The following RAD18 variants were observed in gnomAD, a reference collection of about 807,000 sequenced individuals.
RAD18 encodes the protein RAD18 E3 ubiquitin protein ligase.
A neutral mutation model predicts 60.4 loss-of-function variants in RAD18; 47 were observed. The ratio of observed to expected loss-of-function variants is 0.78; its 90% CI spans 0.62 to 0.99. The LOEUF is 0.99. Ranked by LOEUF, RAD18 falls within the 50% of genes least tolerant of loss-of-function variation. The probability of loss-of-function intolerance (pLI) is 0.00; values close to 1 mark genes in which losing one functional copy is unlikely to be tolerated. For synonymous variants in RAD18, 225 were observed against 195.5 expected (o/e 1.15, Z -1.26); for missense variants, 640 against 593.3 (o/e 1.08, Z -0.82).
At chr3:8,882,616 A>C (rs1939487592) in intron 12 of RAD18, among the ~76,000 whole-genome samples, 1 of 152,196 alleles carries the variant, frequency 6.6e-6, no homozygotes, top group South Asian at 2.1e-4. Context: ...GCTGAGGGAG[A>C]GACACAGACA....
intron 4 of RAD18, among the ~76,000 whole-genome samples, chr3:8,946,306 C>A (rs575479469): frequency 6.6e-6 from 1 of 152,260 alleles, no homozygotes; most frequent in South Asian, 2.1e-4. Context: ...AGCAATAGGC[C>A]CTGCCATATA....
At chr3:8,908,550 A>T (rs932671264) in intron 9 of RAD18, among the ~76,000 whole-genome samples, 1 of 152,118 alleles carries the variant, frequency 6.6e-6, no homozygotes, top group Non-Finnish European at 1.5e-5. Context: ...GGACACCTTG[A>T]TCTTAGACTT....
chr3:8,909,424 G>C lies in RAD18; in HGVS notation c.1027+2888C>G, dbSNP rs45487495. 2.6e-5 allele frequency among the ~76,000 whole-genome samples: 4 copies of C among 152,108 alleles called. No individual in the cohort carries two copies. The East Asian group carries it at 7.7e-4, about 29-fold the overall frequency. On this transcript the variant is annotated intron_variant, in intron 9 of 12. Transcript: ENST00000264926. ...GGCAAGAGTAGATGGGGGATGACTA[G>C]AGAGCAAAGTGATACATAAGAAGTG... is the stretch of plus-strand genomic sequence containing the variant.
In RAD18 at chr3:8,881,571, C is replaced by T. The variant is rs182227199; in HGVS notation, c.1386-112G>A. ...ATTTCATTAAAACCTCGAAATAATC[C>T]TCTATTCTGTTGATGAATTCATAAT... On this transcript the variant is annotated intron_variant, in intron 12 of 12. Transcript: ENST00000264926. 1.0e-3 allele frequency: 818 copies of T among 787,482 alleles called. 2 individuals are homozygous for T. Among genetic ancestry groups the T allele is most frequent in the South Asian group, 6.3e-3 (361 of 57,112 alleles). The allele number at this position is 787,482 out of a possible 1,614,324, so 48.8% of individuals were successfully genotyped here.
chr3:8,881,609 T>A (rs1939463920), intron 12 of RAD18, 150 bp from the exon 13 acceptor site: 1 of 622,122 alleles, frequency 1.6e-6, no homozygotes, highest in African/African-American at 1.9e-5. Flanking sequence ...TTATTATTAG[T>A]ATTTCCACTT....
intron 1 of RAD18, among the ~76,000 whole-genome samples, chr3:8,959,459 A>G (rs1941062208): frequency 6.6e-6 from 1 of 152,258 alleles, no homozygotes; most frequent in African/African-American, 2.4e-5. Flanking sequence ...GAAACTGTCT[A>G]GTCAAAAGAG....
Position 8,880,567 on chromosome 3 carries a change from T to C in RAD18, c.*790A>G, listed in dbSNP as rs1939440033. 2 of 152,244 alleles carry C rather than the reference T, an allele frequency of 1.3e-5. No individual in the cohort carries two copies. Among genetic ancestry groups the C allele is most frequent in the East Asian group, 1.9e-4 (1 of 5,198 alleles). The allele number at this position is 152,244 out of a possible 1,614,324, so 9.4% of individuals were successfully genotyped here. ...TTTTAAGAACATTATTGTAAACTGA[T>C]ACTCTCTATTCATTTACAAAATTCA... On this transcript the variant is annotated 3_prime_UTR_variant, in exon 13 of 13. Coordinates refer to ENST00000264926, the MANE Select transcript of RAD18 (RefSeq NM_020165.4).
intron 7 of RAD18, among the ~76,000 whole-genome samples, chr3:8,935,471 AGTGG>A (rs1370882181): frequency 2.0e-5 from 3 of 152,196 alleles, no homozygotes; most frequent in Non-Finnish European, 4.4e-5. Context: ...AACATTATGA[AGTGG>A]GTAGTTATTA....
intron 1 of RAD18, among the ~76,000 whole-genome samples, chr3:8,962,121 T>C (rs1941102216): frequency 1.3e-5 from 2 of 152,362 alleles, no homozygotes; most frequent in Non-Finnish European, 2.9e-5. Context: ...GCAGAATCTG[T>C]GCCCACATAC....
intron 9 of RAD18, among the ~76,000 whole-genome samples, chr3:8,903,626 A>G (rs1452757769): frequency 6.6e-6 from 1 of 152,234 alleles, no homozygotes. Flanking sequence ...TGTTCAATAA[A>G]GAGCAGCCAG....
intron 11 of RAD18, among the ~76,000 whole-genome samples, chr3:8,892,126 G>A (rs1421399151): frequency 6.6e-6 from 1 of 152,126 alleles, no homozygotes; most frequent in Non-Finnish European, 1.5e-5. Context: ...TCTTCCAAAG[G>A]AGAAAATTAA....
intron 2 of RAD18, among the ~76,000 whole-genome samples, chr3:8,954,725 A>C (rs1940980486): frequency 6.6e-6 from 1 of 152,246 alleles, no homozygotes; most frequent in Non-Finnish European, 1.5e-5. Flanking sequence ...TAAATCATGA[A>C]AAATCTAAGA....
chr3:8,930,206 C>T (rs2125062733), intron 7 of RAD18, among the ~76,000 whole-genome samples: 1 of 152,202 alleles, frequency 6.6e-6, no homozygotes, highest in South Asian at 2.1e-4. Flanking sequence ...AAAGATGTGA[C>T]ATATTCATAC....
At chr3:8,934,127 C>T (rs1471603380) in intron 7 of RAD18, among the ~76,000 whole-genome samples, 1 of 152,174 alleles carries the variant, frequency 6.6e-6, no homozygotes, top group Non-Finnish European at 1.5e-5. Context: ...TACCTCACAA[C>T]ATATGCTAAA....
intron 7 of RAD18, among the ~76,000 whole-genome samples, chr3:8,930,595 C>A (rs916464454): frequency 6.6e-6 from 1 of 151,970 alleles, no homozygotes; most frequent in African/African-American, 2.4e-5. Flanking sequence ...GATTAATACT[C>A]AATGTTATAA....
intron 6 of RAD18, among the ~76,000 whole-genome samples, chr3:8,938,389 T>C (rs1940689035): frequency 6.6e-6 from 1 of 152,184 alleles, no homozygotes; most frequent in African/African-American, 2.4e-5. Flanking sequence ...GTATTTTCTT[T>C]AATCACAAAA....
chr3:8,905,711 C>G (rs989976406), intron 9 of RAD18, among the ~76,000 whole-genome samples: 1 of 152,224 alleles, frequency 6.6e-6, no homozygotes, highest in Non-Finnish European at 1.5e-5. Context: ...TCATAATTCT[C>G]AAATGGGCAT....
intron 7 of RAD18, among the ~76,000 whole-genome samples, chr3:8,920,278 C>CAAAAAAAAA (rs60504682): frequency 2.9e-5 from 2 of 70,050 alleles, no homozygotes; most frequent in African/African-American, 4.4e-5. Context: ...GACTCCGTCT[C>CAAAAAAAAA]AAAAAAAAAA....
At chr3:8,910,547 G>A (rs561642159) in intron 9 of RAD18, among the ~76,000 whole-genome samples, 2 of 151,928 alleles carry the variant, frequency 1.3e-5, no homozygotes, top group African/African-American at 4.8e-5. Context: ...GGCAGAGCTT[G>A]CAGTGAGCCA....
Sources: allele counts gnomAD v4.1 joint callset (sites outside exome capture counted in the v4.1 genomes callset), GRCh38; gene constraint gnomAD v4.1.1; transcripts MANE v1.5; gene names NCBI Gene and HGNC (gene_info 2026-07-23, HGNC 2026-07-21).